SND1: variants seen among roughly 807,000 people sequenced by gnomAD.
SND1 encodes the protein staphylococcal nuclease and tudor domain containing 1.
SND1 carries 38 observed loss-of-function variants against 121.7 expected under a neutral mutation model. That is an observed-to-expected ratio of 0.31 (90% CI 0.24 to 0.41). The LOEUF is 0.41. Among genes scored for constraint, SND1 ranks in the 10% least tolerant of loss-of-function variants. SND1 has a pLI of 1.00. For synonymous variants in SND1, 401 were observed against 447.4 expected (o/e 0.90, Z 1.31); for missense variants, 868 against 1,184.6 (o/e 0.73, Z 3.92).
At chr7:127,707,734 A>C in intron 9 of SND1, 87 bp downstream of exon 9, 5 of 1,183,374 alleles carry the variant, frequency 4.2e-6, no homozygotes, top group Non-Finnish European at 6.2e-6. Flanking sequence ...GAAATGCTGA[A>C]GCTCTTGAAA....
intron 15 of SND1, among the ~76,000 whole-genome samples, chr7:127,937,514 T>G (rs1387993449): frequency 1.3e-5 from 2 of 150,030 alleles, no homozygotes; most frequent in African/African-American, 4.9e-5. Context: ...CTCCCTCCCT[T>G]TCTGGAGCTG....
chr7:127,676,855 C>T (rs1183175773), intron 1 of SND1, among the ~76,000 whole-genome samples: 2 of 152,220 alleles, frequency 1.3e-5, no homozygotes, highest in African/African-American at 4.8e-5. Flanking sequence ...GATTCTCCTG[C>T]CTCAGCCTCC....
At chr7:128,025,595 G>A (rs1803458239) in intron 16 of SND1, among the ~76,000 whole-genome samples, 1 of 152,212 alleles carries the variant, frequency 6.6e-6, no homozygotes, top group Admixed American at 6.5e-5. Context: ...ATGAGTCACA[G>A]CATTCACGGC....
chr7:127,745,857 C>T (rs1335082360), intron 10 of SND1, among the ~76,000 whole-genome samples: 1 of 152,206 alleles, frequency 6.6e-6, no homozygotes, highest in Non-Finnish European at 1.5e-5. Flanking sequence ...TCCTGGGTGG[C>T]CTGGGCCATT....
At chr7:127,791,022 C>T (rs1341937675) in intron 10 of SND1, among the ~76,000 whole-genome samples, 1 of 151,930 alleles carries the variant, frequency 6.6e-6, no homozygotes, top group Non-Finnish European at 1.5e-5. Context: ...AACCAAAGAT[C>T]AGGGTTTTAT....
intron 8 of SND1, among the ~76,000 whole-genome samples, chr7:127,705,627 A>G (rs1458067163): frequency 1.5e-5 from 2 of 131,460 alleles, no homozygotes; most frequent in African/African-American, 5.4e-5. Context: ...GTAGATGTAG[A>G]TGTAGATGTA....
intron 16 of SND1, among the ~76,000 whole-genome samples, chr7:128,018,351 G>A (rs1348921920): frequency 6.6e-6 from 1 of 152,236 alleles, no homozygotes; most frequent in Non-Finnish European, 1.5e-5. Flanking sequence ...ACCCCATCCA[G>A]CTGCTGACAG....
chr7:128,064,351 C>T (rs1314659521), intron 16 of SND1, among the ~76,000 whole-genome samples: 1 of 152,124 alleles, frequency 6.6e-6, no homozygotes, highest in Non-Finnish European at 1.5e-5. Flanking sequence ...TGGAGGGGTC[C>T]TTAGAGACAA....
chr7:127,766,940 T>C (rs1191612932), intron 10 of SND1, among the ~76,000 whole-genome samples: 1 of 152,224 alleles, frequency 6.6e-6, no homozygotes, highest in Non-Finnish European at 1.5e-5. Context: ...CTGCGTTTTG[T>C]GGTTTGTAAA....
chr7:127,876,837 G>A (rs1034046679), intron 12 of SND1, among the ~76,000 whole-genome samples: 1 of 152,076 alleles, frequency 6.6e-6, no homozygotes, highest in Non-Finnish European at 1.5e-5. Context: ...GGACATTACC[G>A]CATGTTCTGT....
At chr7:127,779,478 G>A (rs1465377215) in intron 10 of SND1, among the ~76,000 whole-genome samples, 8 of 152,204 alleles carry the variant, frequency 5.3e-5, no homozygotes, top group East Asian at 3.9e-4. Context: ...ATCTCATTTC[G>A]TAGAGACAAT....
intron 16 of SND1, among the ~76,000 whole-genome samples, chr7:128,066,069 G>A (rs1325046416): frequency 2.0e-5 from 3 of 152,196 alleles, no homozygotes; most frequent in Admixed American, 1.3e-4. Context: ...CTGTGTTAGC[G>A]CTCGCAAAGG....
At chr7:128,049,112 C>G (rs1168013326) in intron 16 of SND1, among the ~76,000 whole-genome samples, 2 of 152,136 alleles carry the variant, frequency 1.3e-5, no homozygotes, top group East Asian at 3.9e-4. Flanking sequence ...GCAGTGTTCC[C>G]TCTAACCCCT....
At chr7:127,978,300 A>G (rs1269639524) in intron 15 of SND1, among the ~76,000 whole-genome samples, 1 of 152,302 alleles carries the variant, frequency 6.6e-6, no homozygotes, top group Non-Finnish European at 1.5e-5. Flanking sequence ...ATCTAGTAGG[A>G]CTTCTAACTA....
intron 11 of SND1, among the ~76,000 whole-genome samples, chr7:127,834,642 TA>T (rs1398906638): frequency 6.6e-6 from 1 of 152,204 alleles, no homozygotes; most frequent in African/African-American, 2.4e-5. Context: ...GAAAGGCTGA[TA>T]TTGATACCTG....
chr7:127,677,120 C>T (rs1562975126), intron 1 of SND1, among the ~76,000 whole-genome samples: 1 of 152,146 alleles, frequency 6.6e-6, no homozygotes, highest in African/African-American at 2.4e-5. Context: ...TATAGCAGAC[C>T]ACACTTTGAG....
chr7:128,068,715 C>G (rs369708315), intron 16 of SND1, among the ~76,000 whole-genome samples: 17 of 152,344 alleles, frequency 1.1e-4, no homozygotes, highest in African/African-American at 4.1e-4. Flanking sequence ...TTCTCCTCCC[C>G]CTTCTCCCCT....
intron 1 of SND1, among the ~76,000 whole-genome samples, chr7:127,653,013 C>G (rs1795148999): frequency 6.6e-6 from 1 of 152,092 alleles, no homozygotes; most frequent in Admixed American, 6.5e-5. Flanking sequence ...AAGGTTAGGC[C>G]GGCAAGAATC....
intron 1 of SND1, among the ~76,000 whole-genome samples, chr7:127,684,770 C>G (rs1346868709): frequency 6.6e-6 from 1 of 152,026 alleles, no homozygotes; most frequent in Non-Finnish European, 1.5e-5. Context: ...GGAAGACAGT[C>G]TTTTTGTGTG....
Sources: gnomAD v4.1 joint callset for allele counts (sites outside exome capture counted in the v4.1 genomes callset) on GRCh38, gnomAD v4.1.1 for gene constraint, MANE v1.5 for transcripts, NCBI Gene and HGNC (gene_info 2026-07-23, HGNC 2026-07-21) for gene names.